MPDZ: variants seen among roughly 807,000 people sequenced by gnomAD.
MPDZ encodes the protein multiple PDZ domain crumbs cell polarity complex component, also known as multiple PDZ domain protein.
Under a neutral mutation model 239.1 loss-of-function variants are expected in MPDZ, and 234 were observed. The observed-to-expected ratio is 0.98, with a 90% confidence interval of 0.88 to 1.09. The LOEUF (loss-of-function observed/expected upper bound fraction) is 1.09. Among genes scored for constraint, MPDZ ranks in the 50% least tolerant of loss-of-function variants. MPDZ has a pLI of 0.00. For missense variants in MPDZ, 3,175 were observed against 2,510.0 expected (o/e 1.26, Z -5.66); for synonymous variants, 1,048 against 881.3 (o/e 1.19, Z -3.35).
chr9:13,120,043 G>T, intron 38 of MPDZ: 2 of 178,196 alleles, frequency 1.1e-5, no homozygotes, highest in East Asian at 1.7e-4. Flanking sequence ...ATTAACTTGT[G>T]GTTACATAAA....
chr9:13,202,596 G>C (rs1416778878), intron 12 of MPDZ, among the ~76,000 whole-genome samples: 2 of 152,166 alleles, frequency 1.3e-5, no homozygotes, highest in Non-Finnish European at 2.9e-5. Flanking sequence ...AAGTGCTTTA[G>C]CCCTCCTGGA....
At chr9:13,244,366 G>A (rs1265300809) in intron 3 of MPDZ, among the ~76,000 whole-genome samples, 2 of 152,148 alleles carry the variant, frequency 1.3e-5, no homozygotes, top group African/African-American at 2.4e-5. Context: ...TGATGACTAG[G>A]TGACAGTGAG....
intron 3 of MPDZ, among the ~76,000 whole-genome samples, chr9:13,243,498 T>C (rs1002793855): frequency 3.3e-5 from 5 of 152,154 alleles, no homozygotes; most frequent in Non-Finnish European, 7.3e-5. Flanking sequence ...GAATCATTCA[T>C]TATTTAACAA....
chr9:13,173,928 A>C (rs1952127929), intron 21 of MPDZ, among the ~76,000 whole-genome samples: 1 of 152,106 alleles, frequency 6.6e-6, no homozygotes, highest in South Asian at 2.1e-4. Flanking sequence ...TGTGTCCTAC[A>C]CACAAACCCA....
chr9:13,159,434 A>T (rs929674066), intron 23 of MPDZ, among the ~76,000 whole-genome samples: 2 of 152,146 alleles, frequency 1.3e-5, no homozygotes, highest in African/African-American at 2.4e-5. Context: ...GGGAGATCCT[A>T]AAAACAATGT....
intron 1 of MPDZ, among the ~76,000 whole-genome samples, chr9:13,264,747 A>G (rs1971442673): frequency 6.6e-6 from 1 of 151,852 alleles, no homozygotes; most frequent in South Asian, 2.1e-4. Context: ...CATACTTTTC[A>G]TTCATAATGT....
At chr9:13,173,683 CA>C (rs1952081856) in intron 21 of MPDZ, among the ~76,000 whole-genome samples, 1 of 146,698 alleles carries the variant, frequency 6.8e-6, no homozygotes, top group Non-Finnish European at 1.5e-5. Context: ...GCAGCCTGGG[CA>C]ACAAAGCGAA....
chr9:13,124,395 T>A (rs572288595), intron 35 of MPDZ, among the ~76,000 whole-genome samples: 1 of 152,332 alleles, frequency 6.6e-6, no homozygotes, highest in Non-Finnish European at 1.5e-5. Flanking sequence ...TAAACTAGTG[T>A]TTCCTTAAAA....
intron 29 of MPDZ, among the ~76,000 whole-genome samples, chr9:13,137,243 G>A (rs1257374573): frequency 6.6e-6 from 1 of 152,078 alleles, no homozygotes; most frequent in African/African-American, 2.4e-5. Flanking sequence ...ACTGGGAGAA[G>A]AAATGCTAGG....
intron 25 of MPDZ, among the ~76,000 whole-genome samples, chr9:13,147,861 G>A (rs921117394): frequency 2.0e-5 from 3 of 151,986 alleles, no homozygotes; most frequent in Admixed American, 6.6e-5. Context: ...ACATATCTCT[G>A]TCTCCAATAA....
chr9:13,135,882 C>A (rs1008928027), intron 31 of MPDZ: 1 of 409,504 alleles, frequency 2.4e-6, no homozygotes, highest in Non-Finnish European at 4.3e-6. Flanking sequence ...CCTCACTATT[C>A]CCTAGGCAGA....
At chr9:13,159,552 C>T (rs1018203964) in intron 23 of MPDZ, among the ~76,000 whole-genome samples, 2 of 152,014 alleles carry the variant, frequency 1.3e-5, no homozygotes, top group East Asian at 1.9e-4. Flanking sequence ...CAGAGTATGA[C>T]GAAGAAAGCA....
chr9:13,122,014 G>T (rs1448172369), intron 37 of MPDZ, 73 bp downstream of exon 37: 2 of 1,598,986 alleles, frequency 1.3e-6, no homozygotes, highest in African/African-American at 2.7e-5. Flanking sequence ...AGAGAAAGAA[G>T]CAAAGAAAGA....
rs530926438 is a variant in MPDZ at position 13,261,118 on chromosome 9, A to G, written c.-57-10746T>C. On this transcript the variant is annotated intron_variant, in intron 1 of 46. Coordinates refer to ENST00000319217, the MANE Select transcript of MPDZ (RefSeq NM_001378778.1). ...AGAATAAGTCAATTAATGGTAGAAC[A>G]AGAGTTGAGAAGATAGAAGGTGGCT... is the stretch of plus-strand genomic sequence containing the variant. Among the ~76,000 whole-genome samples the G allele has an allele frequency of 2.6e-5, 4 of 152,320 alleles. No individual in the cohort carries two copies. In the East Asian group the frequency reaches 7.7e-4, roughly 29 times the overall value.
At chr9:13,268,171 C>T (rs372689348) in intron 1 of MPDZ, among the ~76,000 whole-genome samples, 14 of 122,730 alleles carry the variant, frequency 1.1e-4, no homozygotes, top group African/African-American at 3.2e-4. Context: ...TATATATATA[C>T]ACACATAGAG....
intron 16 of MPDZ, 102 bp from the exon 17 acceptor site, chr9:13,189,095 C>G (rs1362006189): frequency 1.4e-5 from 14 of 1,000,102 alleles, no homozygotes; most frequent in Non-Finnish European, 1.8e-5. Context: ...GTCTCAAGTG[C>G]CTTTAAAAAT....
chr9:13,182,628 T>C (rs1299128087), intron 19 of MPDZ, among the ~76,000 whole-genome samples: 2 of 151,980 alleles, frequency 1.3e-5, no homozygotes, highest in East Asian at 3.9e-4. Flanking sequence ...TATGAAGAGA[T>C]CTTTGATGAA....
intron 1 of MPDZ, among the ~76,000 whole-genome samples, chr9:13,262,566 C>A (rs1220474042): frequency 1.3e-5 from 2 of 151,040 alleles, no homozygotes; most frequent in Non-Finnish European, 1.5e-5. Context: ...CTTTAATGTA[C>A]CACTAAAAAA....
In MPDZ at chr9:13,143,556, A is replaced by G. The variant is rs765455291; in HGVS notation, c.3750T>C (p.Pro1250=). 1 of 1,612,534 alleles carries G rather than the reference A, an allele frequency of 6.2e-7. No individual in the cohort carries two copies. The highest frequency in any genetic ancestry group is 8.5e-7 in the Non-Finnish European group (1 of 1,178,760). The change falls in exon 27 of 47, where the codon CCT becomes CCC. Residue 1250 remains proline, a synonymous_variant. Transcript: ENST00000319217. The stretch of plus-strand genomic sequence containing the variant: ...AAAGGTTGTGCAGCAAGGAAGGCAA[A>G]GGGGATTTCTAAAAGGAAACATAAG... The part of the protein sequence containing the change: ...QSIINRPRKS[P]LPSLLHNLYP...
Sources: allele counts gnomAD v4.1 joint callset (sites outside exome capture counted in the v4.1 genomes callset), GRCh38; gene constraint gnomAD v4.1.1; transcripts MANE v1.5; gene names NCBI Gene and HGNC (gene_info 2026-07-23, HGNC 2026-07-21).